Variants in SI observed in about 807,000 individuals in gnomAD.
The protein encoded by SI is sucrase-isomaltase, intestinal.
A neutral mutation model predicts 253.3 loss-of-function variants in SI; 235 were observed. The ratio of observed to expected loss-of-function variants is 0.93; its 90% CI spans 0.83 to 1.03. The LOEUF is 1.03. Ranked by LOEUF, SI falls within the 50% of genes least tolerant of loss-of-function variation. The pLI is 0.00. For missense variants in SI, 2,442 were observed against 2,211.1 expected (o/e 1.10, Z -2.09); for synonymous variants, 819 against 712.0 (o/e 1.15, Z -2.39).
At chr3:165,079,275 A>G (rs1259626213), upstream of SI, among the ~76,000 whole-genome samples, 2 of 151,634 alleles carry the variant, frequency 1.3e-5, no homozygotes, top group African/African-American at 2.4e-5. Context: ...TAAAATCACT[A>G]AAAGAATTAT....
chr3:165,089,068 CTTTTCTT>C, the SI span, among the ~76,000 whole-genome samples: 2 of 122,850 alleles, frequency 1.6e-5, no homozygotes, highest in Admixed American at 9.8e-5. Context: ...TTTTTACGGC[CTTTTCTT>C]TTTTCTTTTT....
At chr3:164,981,751 T>G (rs1717199379) in intron 47 of SI, among the ~76,000 whole-genome samples, 2 of 152,174 alleles carry the variant, frequency 1.3e-5, no homozygotes, top group Non-Finnish European at 2.9e-5. Flanking sequence ...TAAAATTTTT[T>G]GTTCAAAGTA....
rs555459941 is a variant in SI, at chr3:164,982,399, T to C, written c.5259A>G (p.Thr1753=). 1 of 1,610,270 alleles carries C rather than the reference T, an allele frequency of 6.2e-7. No homozygotes were observed. Among genetic ancestry groups the C allele is most frequent in the East Asian group, 2.2e-5 (1 of 44,672 alleles). The change falls in exon 47 of 48, where the codon ACA becomes ACG. Residue 1753 remains threonine (T), a synonymous_variant. Coordinates refer to ENST00000264382, the MANE Select transcript of SI (RefSeq NM_001041.4). The part of the protein sequence containing the change: ...VQFNLNQTTL[T]STILKRGYIN... ...TGTAACCTCTCTTCAATATAGTGCT[T>C]GTTAAGGTGGTCTATAAATAAAGAA...
intron 13 of SI, among the ~76,000 whole-genome samples, chr3:165,053,306 A>G (rs1713525207): frequency 6.6e-6 from 1 of 152,136 alleles, no homozygotes; most frequent in South Asian, 2.1e-4. Flanking sequence ...TAGCATGGAA[A>G]CTAAATTACA....
upstream of SI, among the ~76,000 whole-genome samples, chr3:165,082,528 C>T (rs973848122): frequency 6.6e-6 from 1 of 151,914 alleles, no homozygotes; most frequent in African/African-American, 2.4e-5. Flanking sequence ...AAACCCTATA[C>T]CTTTCATATT....
rs750379916 is a variant in SI at position 165,059,007 on chromosome 3, CAT to C, written c.1352_1353del (p.His451ArgfsTer5). The C allele has an allele frequency of 3.1e-6, 5 of 1,612,164 alleles. No homozygotes were observed. The highest frequency in any genetic ancestry group is 4.2e-6 in the Non-Finnish European group (5 of 1,178,870). ...CTTCCATCTGACTCATTTATCCACACATGTTGTGTGTTTCCCCTCTCATAGGT... is the reference window on the plus strand; with the variant it reads ...CTTCCATCTGACTCATTTATCCACACGTTGTGTGTTTCCCCTCTCATAGGT... ...YATYERGNTQ[H>X]VWINESDGST... On this transcript the variant is annotated frameshift_variant, in exon 12 of 48. Coordinates refer to ENST00000264382, the MANE Select transcript of SI (RefSeq NM_001041.4). LOFTEE classifies it high-confidence loss of function.
chr3:165,026,097 A>T (rs1711903006), intron 25 of SI, among the ~76,000 whole-genome samples: 1 of 151,310 alleles, frequency 6.6e-6, no homozygotes, highest in Admixed American at 6.6e-5. Context: ...GACTCACCTA[A>T]CACATAAGGA....
In SI at chr3:165,019,591, T is replaced by A; in HGVS notation, c.3423+11A>T. On this transcript the variant is annotated intron_variant, in intron 28 of 47. Transcript: ENST00000264382. ...AGTTGCCTCGTGGAGTGGTCATATG[T>A]TGGTACCTACACCAGGGGGTTGGTC... is the stretch of plus-strand genomic sequence containing the variant. 6.2e-7 allele frequency: 1 copy of A among 1,611,650 alleles called. No individual in the cohort carries two copies. Among genetic ancestry groups the A allele is most frequent in the Non-Finnish European group, 8.5e-7 (1 of 1,178,322 alleles).
At chr3:165,072,555 T>G (rs1424991761) in intron 3 of SI, among the ~76,000 whole-genome samples, 2 of 152,062 alleles carry the variant, frequency 1.3e-5, no homozygotes, top group East Asian at 3.9e-4. Context: ...TTTCATTCCT[T>G]TATGATTTAT....
At chr3:165,084,499 TA>T in the SI span, among the ~76,000 whole-genome samples, 11 of 152,060 alleles carry the variant, frequency 7.2e-5, no homozygotes, top group East Asian at 3.9e-4. Flanking sequence ...ATTTGATATG[TA>T]AAAATTTTTT....
intron 37 of SI, among the ~76,000 whole-genome samples, chr3:165,000,201 A>G (rs1303660867): frequency 6.6e-6 from 1 of 151,336 alleles, no homozygotes; most frequent in Non-Finnish European, 1.5e-5. Context: ...ATGAAAGAAA[A>G]TTATGTTTCT....
At chr3:164,987,742 T>G (rs143368572) in intron 44 of SI, among the ~76,000 whole-genome samples, 2,382 of 152,240 alleles carry the variant, frequency 0.016, 33 homozygotes, top group Middle Eastern at 0.034. Context: ...GGAAATGTGA[T>G]GCATGTCTTT....
intron 38 of SI, 138 bp from the exon 39 acceptor site, chr3:164,996,910 A>AT (rs1169890681): frequency 2.0e-6 from 1 of 491,200 alleles, no homozygotes; most frequent in Non-Finnish European, 3.4e-6. Flanking sequence ...TATTAATATA[A>AT]TTATCTCATA....
At chr3:165,084,777 TA>T in the SI span, among the ~76,000 whole-genome samples, 3 of 152,026 alleles carry the variant, frequency 2.0e-5, no homozygotes, top group African/African-American at 7.2e-5. Flanking sequence ...ACAGCTATTC[TA>T]AAAAGACTAG....
Position 165,062,573 on chromosome 3 carries a change from A to G in SI, c.908-90T>C, listed in dbSNP as rs1002573246. On this transcript the variant is annotated intron_variant, in intron 8 of 47. Coordinates refer to ENST00000264382, the MANE Select transcript of SI (RefSeq NM_001041.4). Reference sequence around the variant, plus strand: ...AGTCCATTTAAATTAATTTGTATTAACTACATTATTTTACAATATGTTTAA... The same window carrying G: ...AGTCCATTTAAATTAATTTGTATTAGCTACATTATTTTACAATATGTTTAA... 1.9e-5 allele frequency: 13 copies of G among 698,666 alleles called. No individual in the cohort carries two copies. In the African/African-American group the frequency reaches 2.3e-4, roughly 12 times the overall value. The allele number at this position is 698,666 out of a possible 1,614,324, so 43.3% of individuals were successfully genotyped here.
chr3:165,050,156 A>G (rs1365513420), intron 13 of SI, among the ~76,000 whole-genome samples: 1 of 152,070 alleles, frequency 6.6e-6, no homozygotes, highest in Non-Finnish European at 1.5e-5. Context: ...GTCATTTCTA[A>G]ATAGCTGTTA....
At chr3:165,042,470 G>GC (rs1712887060) in intron 17 of SI, among the ~76,000 whole-genome samples, 1 of 152,060 alleles carries the variant, frequency 6.6e-6, no homozygotes, top group Admixed American at 6.6e-5. Flanking sequence ...TGAGCCCACA[G>GC]TATGCTGAGT....
In SI at chr3:164,987,177, C is replaced by T; in HGVS notation, c.5158G>A (p.Ala1720Thr). The T allele has an allele frequency of 8.1e-6, 13 of 1,613,680 alleles. No individual in the cohort carries two copies. The highest frequency in any genetic ancestry group is 1.1e-5 in the Non-Finnish European group (13 of 1,179,750). The part of the protein sequence containing the change: ...LIVAADDNQM[A>T]QGSLFWDDGE... ...TCATCCCAAAACAGAGAACCCTGTGCCATCTGATTATCATCTGCAGCAACA... is the reference window on the plus strand; with the variant it reads ...TCATCCCAAAACAGAGAACCCTGTGTCATCTGATTATCATCTGCAGCAACA... The change falls in exon 45 of 48, where the codon GCA becomes ACA. Residue 1720 changes from alanine (A) to threonine (T), a missense_variant. By Grantham distance (58) the Ala-to-Thr change is moderately conservative. Transcript: ENST00000264382.
At chr3:165,086,785 G>A in the SI span, among the ~76,000 whole-genome samples, 1 of 152,178 alleles carries the variant, frequency 6.6e-6, no homozygotes, top group Non-Finnish European at 1.5e-5. Context: ...TGCCATGCAA[G>A]TGAGTAAGGA....
Sources: allele counts gnomAD v4.1 joint callset (sites outside exome capture counted in the v4.1 genomes callset), GRCh38; gene constraint gnomAD v4.1.1; transcripts MANE v1.5; gene names NCBI Gene and HGNC (gene_info 2026-07-23, HGNC 2026-07-21).